DPH6: variants seen among roughly 807,000 people sequenced by gnomAD.
The protein encoded by DPH6 is diphthamine biosynthesis 6.
A neutral mutation model predicts 38.2 loss-of-function variants in DPH6; 33 were observed. The ratio of observed to expected loss-of-function variants is 0.86; its 90% confidence interval spans 0.65 to 1.15. The LOEUF (loss-of-function observed/expected upper bound fraction) is 1.15, where lower values mean the gene tolerates loss of function less well. Among genes scored for constraint, DPH6 ranks in the 50% most tolerant of loss-of-function variants. The pLI, the probability that DPH6 is intolerant of heterozygous loss-of-function variation, is 0.00. For missense variants in DPH6, 325 were observed against 320.0 expected (o/e 1.02, Z -0.12); for synonymous variants, 108 against 103.0 (o/e 1.05, Z -0.30).
At chr15:35,470,363 G>T (rs2054182900) in intron 3 of DPH6, among the ~76,000 whole-genome samples, 1 of 151,700 alleles carries the variant, frequency 6.6e-6, no homozygotes, top group Non-Finnish European at 1.5e-5. Context: ...GTCGAGGAAT[G>T]AAAAAAATGG....
intron 6 of DPH6, among the ~76,000 whole-genome samples, chr15:35,391,075 C>G (rs1407413752): frequency 6.6e-6 from 1 of 152,182 alleles, no homozygotes; most frequent in Non-Finnish European, 1.5e-5. Flanking sequence ...GGACCCTCAG[C>G]TGCAGGTCTG....
intron 3 of DPH6, among the ~76,000 whole-genome samples, chr15:35,235,528 T>C (rs1231438600): frequency 4.6e-5 from 7 of 152,226 alleles, no homozygotes; most frequent in African/African-American, 1.4e-4. Flanking sequence ...CTAGTGGATA[T>C]TGTACTTTCA....
chr15:35,195,104 A>G, the DPH6 span, among the ~76,000 whole-genome samples: 1 of 152,270 alleles, frequency 6.6e-6, no homozygotes, highest in South Asian at 2.1e-4. Flanking sequence ...GTAACCACCA[A>G]TCTACTGTCT....
intron 5 of DPH6, among the ~76,000 whole-genome samples, chr15:35,411,472 T>C (rs1021590367): frequency 2.0e-5 from 3 of 151,710 alleles, no homozygotes; most frequent in African/African-American, 7.2e-5. Flanking sequence ...CAAGTAAAGA[T>C]AGAGACAACT....
intron 6 of DPH6, among the ~76,000 whole-genome samples, chr15:35,407,589 G>A (rs1312836518): frequency 1.3e-5 from 2 of 151,996 alleles, no homozygotes; most frequent in Admixed American, 1.3e-4. Context: ...ATAATTTGCA[G>A]AGATCTGCTT....
intron 3 of DPH6, among the ~76,000 whole-genome samples, chr15:35,364,264 C>CTA (rs1211516513): frequency 1.3e-5 from 2 of 151,954 alleles, no homozygotes; most frequent in African/African-American, 4.8e-5. Flanking sequence ...CAATGACCAC[C>CTA]TATATATCCA....
intron 5 of DPH6, among the ~76,000 whole-genome samples, chr15:35,441,889 G>A (rs896526185): frequency 6.6e-6 from 1 of 151,920 alleles, no homozygotes; most frequent in Non-Finnish European, 1.5e-5. Flanking sequence ...GACAGAACCA[G>A]GAAATCACAT....
chr15:35,166,449 C>T, the DPH6 span, among the ~76,000 whole-genome samples: 10 of 151,862 alleles, frequency 6.6e-5, no homozygotes, highest in Non-Finnish European at 2.9e-5. Context: ...ATTTGTATGC[C>T]TTTTTCCTAT....
chr15:35,397,868 T>TACAC (rs57530358), intron 6 of DPH6, among the ~76,000 whole-genome samples: 158 of 87,200 alleles, frequency 1.8e-3, no homozygotes, highest in Admixed American at 3.6e-3. Flanking sequence ...TTTATATATA[T>TACAC]ACACACACAC....
the DPH6 span, among the ~76,000 whole-genome samples, chr15:35,192,758 A>T: frequency 6.6e-6 from 1 of 152,234 alleles, no homozygotes; most frequent in Non-Finnish European, 1.5e-5. Flanking sequence ...AATTTATAGT[A>T]ACACCATACA....
intron 6 of DPH6, among the ~76,000 whole-genome samples, chr15:35,397,231 C>G (rs77398946): frequency 0.035 from 5,357 of 152,264 alleles, 297 homozygotes; most frequent in African/African-American, 0.12. Flanking sequence ...CAATACATTT[C>G]TGTTTACCTT....
the DPH6 span, among the ~76,000 whole-genome samples, chr15:35,179,250 T>C: frequency 6.7e-6 from 1 of 149,616 alleles, no homozygotes; most frequent in East Asian, 2.0e-4. Context: ...TATGTTAACA[T>C]TTTTCTGGAG....
At chr15:35,324,946 A>G (rs1015584750) in intron 3 of DPH6, among the ~76,000 whole-genome samples, 1 of 152,198 alleles carries the variant, frequency 6.6e-6, no homozygotes, top group Non-Finnish European at 1.5e-5. Flanking sequence ...AGCAGAAGGA[A>G]CAGATATAAT....
At chr15:35,305,759 T>G (rs561223047) in intron 3 of DPH6, among the ~76,000 whole-genome samples, 1 of 152,196 alleles carries the variant, frequency 6.6e-6, no homozygotes, top group African/African-American at 2.4e-5. Context: ...TTTATAGCCA[T>G]CAACCAGAAG....
At chr15:35,427,912 A>T (rs1020159153) in intron 5 of DPH6, among the ~76,000 whole-genome samples, 1 of 151,928 alleles carries the variant, frequency 6.6e-6, no homozygotes, top group Non-Finnish European at 1.5e-5. Flanking sequence ...AGAAGCATAG[A>T]TCACCTTCAA....
chr15:35,397,898 C>CAA (rs1447528825), intron 6 of DPH6, among the ~76,000 whole-genome samples: 10 of 151,658 alleles, frequency 6.6e-5, no homozygotes, highest in Non-Finnish European at 1.2e-4. Flanking sequence ...CACACACACA[C>CAA]ACACACACAC....
chr15:35,508,722 C>T (rs1192062145), intron 3 of DPH6, among the ~76,000 whole-genome samples: 7 of 152,052 alleles, frequency 4.6e-5, no homozygotes, highest in South Asian at 2.1e-4. Flanking sequence ...AAGATAAAAT[C>T]GCTAAATCAT....
At chr15:35,291,279 A>G (rs1428630322) in intron 3 of DPH6, among the ~76,000 whole-genome samples, 1 of 152,100 alleles carries the variant, frequency 6.6e-6, no homozygotes. Context: ...CATGGTGGAC[A>G]TTGTTTCTTT....
intron 3 of DPH6, among the ~76,000 whole-genome samples, chr15:35,533,155 CA>C (rs1454191193): frequency 6.6e-6 from 1 of 151,566 alleles, no homozygotes; most frequent in African/African-American, 2.4e-5. Flanking sequence ...TTGAAACCCA[CA>C]CATTTTTAGA....
Sources: gnomAD v4.1 joint callset for allele counts (sites outside exome capture counted in the v4.1 genomes callset) on GRCh38, gnomAD v4.1.1 for gene constraint, MANE v1.5 for transcripts, NCBI Gene and HGNC (gene_info 2026-07-23, HGNC 2026-07-21) for gene names.